SLC19A1: variants seen among roughly 807,000 people sequenced by gnomAD.
The protein encoded by SLC19A1 is solute carrier family 19 member 1.
In SLC19A1, 37 loss-of-function variants were observed where a neutral mutation model predicts 35.3. The observed-to-expected ratio is 1.05, with a 90% CI of 0.81 to 1.38. SLC19A1 has a LOEUF of 1.38. Among genes scored for constraint, SLC19A1 ranks in the 40% most tolerant of loss-of-function variants. The pLI is 0.00. For missense variants in SLC19A1, 831 were observed against 826.9 expected (o/e 1.00, Z -0.06); for synonymous variants, 460 against 398.5 (o/e 1.15, Z -1.84).
At chr21:45,553,386 G>A (rs921332839) in intron 1 of SLC19A1, among the ~76,000 whole-genome samples, 2 of 151,984 alleles carry the variant, frequency 1.3e-5, no homozygotes, top group Admixed American at 6.5e-5. Flanking sequence ...CAGGGGACAC[G>A]GCTCAGTGGG....
Position 45,515,296 on chromosome 21 carries a change from C to G in SLC19A1, c.*362G>C. The G allele has an allele frequency of 2.0e-6, 3 of 1,473,240 alleles. No individual in the cohort carries two copies. Among genetic ancestry groups the G allele is most frequent in the South Asian group, 1.4e-5 (1 of 73,540 alleles). The allele number at this position is 1,473,240 out of a possible 1,614,324, so 91.3% of individuals were successfully genotyped here. A position where few individuals can be genotyped will look rare whatever the true frequency, so the allele number is the denominator to read the frequency against. ...CTCACAACTCCTGTGGGGCCAGTGTCCCCTGAGCTGGTATCCAAGAGGCCA... is the reference window on the plus strand; with the variant it reads ...CTCACAACTCCTGTGGGGCCAGTGTGCCCTGAGCTGGTATCCAAGAGGCCA... On this transcript the variant is annotated 3_prime_UTR_variant, in exon 6 of 6. Coordinates refer to ENST00000311124, the MANE Select transcript of SLC19A1 (RefSeq NM_194255.4).
rs1271383735 is a variant in SLC19A1, at chr21:45,513,380, G to GCAGT, written c.*2274_*2277dup. 1 of 152,284 alleles carries GCAGT rather than the reference G, an allele frequency of 6.6e-6. No homozygotes were observed. The highest frequency in any genetic ancestry group is 1.5e-5 in the Non-Finnish European group (1 of 68,086). 9.4% of individuals were successfully genotyped at this position (152,284 alleles called of 1,614,324 possible). A position where few individuals can be genotyped will look rare whatever the true frequency, so the allele number is the denominator to read the frequency against. ...TGGACAGGCTGGCTCCAGATGCAGG[G>GCAGT]CAGTCATTGGCTGTCTCCTAGGAAA... On this transcript the variant is annotated 3_prime_UTR_variant, in exon 6 of 6. Coordinates refer to ENST00000311124, the MANE Select transcript of SLC19A1 (RefSeq NM_194255.4).
Position 45,530,801 on chromosome 21 carries a change from C to T in SLC19A1, c.1120G>A (p.Gly374Ser), listed in dbSNP as rs750349592. ...LCYAAFVLFR[G>S]SYQFLVPIAT... ...ATGGGCACGAGGAACTGGTAGGAGC[C>T]GCGGAACAGCACGAAGGCCGCATAG... is the stretch of plus-strand genomic sequence containing the variant. Residue 374 changes from glycine to serine, a missense_variant, in exon 4 of 6, where the codon GGC becomes AGC. Coordinates refer to ENST00000311124, the MANE Select transcript of SLC19A1 (RefSeq NM_194255.4). The surrounding 1 kb of genome is among the most constrained non-coding windows in gnomAD (Gnocchi z 5.3). The T allele has an allele frequency of 1.9e-6, 3 of 1,564,780 alleles. No homozygotes were observed. Among genetic ancestry groups the T allele is most frequent in the East Asian group, 4.7e-5 (2 of 42,352 alleles).
intron 4 of SLC19A1, among the ~76,000 whole-genome samples, chr21:45,528,560 G>A (rs73907590): frequency 0.011 from 1,675 of 152,228 alleles, 32 homozygotes; most frequent in African/African-American, 0.038. Flanking sequence ...CCCGCATGCC[G>A]GCCTGCAGGG....
chr21:45,534,747 G>A lies in SLC19A1; in HGVS notation c.190-2599C>T, dbSNP rs543546977. ...TCAGCCTTGGCAGGCAGACAGCAGG[G>A]AGGCTCTGCCCAGAGCTGTGACCTG... On this transcript the variant is annotated intron_variant, in intron 2 of 5. Transcript: ENST00000311124. This position sits in a 1 kb window ranked among gnomAD's most constrained non-coding sequence, Gnocchi z 4.2. 7.2e-6 allele frequency: 5 copies of A among 690,850 alleles called. No individual in the cohort carries two copies. Among genetic ancestry groups the A allele is most frequent in the African/African-American group, 3.6e-5 (2 of 56,124 alleles). 42.8% of individuals were successfully genotyped at this position (690,850 alleles called of 1,614,324 possible).
chr21:45,512,236 G>A (rs758878514), downstream of SLC19A1: 11 of 1,612,534 alleles, frequency 6.8e-6, no homozygotes, highest in South Asian at 1.2e-4. Context: ...GGCGCAGGCT[G>A]ACCGAGAGCT....
chr21:45,528,918 C>T (rs1421710601), intron 4 of SLC19A1, among the ~76,000 whole-genome samples: 3 of 152,334 alleles, frequency 2.0e-5, no homozygotes, highest in South Asian at 4.1e-4. Context: ...GCTGCGGCAC[C>T]GTGTTGGATT....
intron 5 of SLC19A1, among the ~76,000 whole-genome samples, chr21:45,522,199 G>A (rs1393746634): frequency 6.6e-6 from 1 of 152,116 alleles, no homozygotes; most frequent in Admixed American, 6.6e-5. Flanking sequence ...GGAAAATAAG[G>A]ACATAAAAAG....
intron 2 of SLC19A1, among the ~76,000 whole-genome samples, chr21:45,536,898 T>G (rs2078130332): frequency 6.6e-6 from 1 of 152,110 alleles, no homozygotes; most frequent in Non-Finnish European, 1.5e-5. Context: ...ATGTGCCTTA[T>G]GGACAAGGAC....
chr21:45,538,961 C>A (rs559758402), intron 1 of SLC19A1, among the ~76,000 whole-genome samples: 13 of 152,322 alleles, frequency 8.5e-5, no homozygotes, highest in Admixed American at 5.9e-4. Context: ...CTCTTTCAGT[C>A]CTGATTCTGC....
downstream of SLC19A1, chr21:45,511,232 T>G: frequency 6.7e-7 from 1 of 1,498,158 alleles, no homozygotes; most frequent in Non-Finnish European, 9.2e-7. Flanking sequence ...ACCTGGTAGG[T>G]TCCCAGTGCC....
At chr21:45,562,347 T>C (rs2055390063) in intron 1 of SLC19A1, among the ~76,000 whole-genome samples, 2 of 152,068 alleles carry the variant, frequency 1.3e-5, no homozygotes, top group Admixed American at 1.3e-4. Flanking sequence ...GAAGCCCCAG[T>C]GACTACGGAA....
chr21:45,503,647 G>GA (rs1491430330), intron 3 of SLC19A1, among the ~76,000 whole-genome samples: 2 of 103,486 alleles, frequency 1.9e-5, no homozygotes, highest in East Asian at 7.1e-4. Context: ...GGGGTGGGGG[G>GA]AGGGGGGAGG....
intron 3 of SLC19A1, chr21:45,504,379 T>C (rs749040191): frequency 1.5e-5 from 24 of 1,588,428 alleles, no homozygotes; most frequent in Non-Finnish European, 2.0e-5. Context: ...CTTGTAGGGG[T>C]TCAGGGCTCC....
intron 5 of SLC19A1, among the ~76,000 whole-genome samples, chr21:45,519,817 C>G (rs2077386169): frequency 6.6e-6 from 1 of 152,142 alleles, no homozygotes; most frequent in African/African-American, 2.4e-5. Context: ...TAAAACTAGA[C>G]AGAAAATCCA....
downstream of SLC19A1, chr21:45,510,043 G>C (rs781427166): frequency 6.5e-7 from 1 of 1,542,432 alleles, no homozygotes; most frequent in African/African-American, 1.4e-5. Flanking sequence ...CACAGCCCGT[G>C]ACGCGCCCCT....
chr21:45,536,962 C>A (rs563654745), intron 2 of SLC19A1, among the ~76,000 whole-genome samples: 32 of 152,328 alleles, frequency 2.1e-4, no homozygotes, highest in Admixed American at 6.5e-4. Flanking sequence ...GCCTCCACCG[C>A]TCATGTGACC....
At chr21:45,543,425 G>T (rs2078370596), upstream of SLC19A1, among the ~76,000 whole-genome samples, 2 of 152,248 alleles carry the variant, frequency 1.3e-5, no homozygotes, top group African/African-American at 2.4e-5. Context: ...GGTACCCACA[G>T]CTCAAGAGTG....
intron 1 of SLC19A1, among the ~76,000 whole-genome samples, chr21:45,551,114 T>C (rs1436308933): frequency 6.6e-6 from 1 of 151,694 alleles, no homozygotes; most frequent in Non-Finnish European, 1.5e-5. Context: ...TTCAAGGAAC[T>C]ACCTTTTGGA....
Sources: allele counts gnomAD v4.1 joint callset (sites outside exome capture counted in the v4.1 genomes callset), GRCh38; gene constraint gnomAD v4.1.1; non-coding constraint Gnocchi (gnomAD v3.1); transcripts MANE v1.5; gene names NCBI Gene and HGNC (gene_info 2026-07-23, HGNC 2026-07-21).